SCAPER: variants seen among roughly 807,000 people sequenced by gnomAD.
SCAPER encodes the protein S-phase cyclin A associated protein in the ER.
Under a neutral mutation model 182.2 loss-of-function variants are expected in SCAPER, and 98 were observed. The ratio of observed to expected loss-of-function variants is 0.54; its 90% CI spans 0.46 to 0.64. SCAPER has a LOEUF of 0.64. Among genes scored for constraint, SCAPER ranks in the 30% least tolerant of loss-of-function variants. The probability of loss-of-function intolerance (pLI) is 0.00; values close to 1 mark genes in which losing one functional copy is unlikely to be tolerated. For missense variants in SCAPER, 1,432 were observed against 1,690.0 expected (o/e 0.85, Z 2.68); for synonymous variants, 605 against 564.6 (o/e 1.07, Z -1.01).
chr15:76,524,778 GAA>G (rs2043080167), intron 23 of SCAPER, among the ~76,000 whole-genome samples: 1 of 131,276 alleles, frequency 7.6e-6, no homozygotes, highest in African/African-American at 2.8e-5. Context: ...AACAAGAATT[GAA>G]AGTTAATTTT....
intron 29 of SCAPER, among the ~76,000 whole-genome samples, chr15:76,365,598 G>A (rs1260034547): frequency 1.3e-5 from 2 of 152,208 alleles, no homozygotes; most frequent in Non-Finnish European, 1.5e-5. Flanking sequence ...ATAGAACACT[G>A]ACCTTGTAAA....
chr15:76,896,159 C>T (rs1392023051), intron 1 of SCAPER, among the ~76,000 whole-genome samples: 1 of 151,946 alleles, frequency 6.6e-6, no homozygotes, highest in Non-Finnish European at 1.5e-5. Context: ...CACTTCAGCC[C>T]AGGAGTTCGA....
At chr15:76,859,659 C>T (rs2071708685) in intron 3 of SCAPER, among the ~76,000 whole-genome samples, 1 of 152,110 alleles carries the variant, frequency 6.6e-6, no homozygotes, top group African/African-American at 2.4e-5. Flanking sequence ...TAATATTCTT[C>T]TTTTGTCATC....
intron 4 of SCAPER, among the ~76,000 whole-genome samples, chr15:76,847,339 TAATA>T (rs1438726415): frequency 6.6e-6 from 1 of 150,920 alleles, no homozygotes; most frequent in Admixed American, 6.6e-5. Flanking sequence ...ACTTAAAGCA[TAATA>T]AATAAATAGT....
chr15:76,461,162 C>CT (rs1484526178), intron 25 of SCAPER, among the ~76,000 whole-genome samples: 1 of 152,012 alleles, frequency 6.6e-6, no homozygotes, highest in East Asian at 1.9e-4. Context: ...TGGTTATGCA[C>CT]TTTTGGCAAG....
chr15:76,489,259 G>A (rs2052033822), intron 24 of SCAPER, among the ~76,000 whole-genome samples: 1 of 136,590 alleles, frequency 7.3e-6, no homozygotes. Flanking sequence ...AATTACTTTT[G>A]CACCAACCTA....
At chr15:76,602,180 GTTATT>G (rs149411568) in intron 22 of SCAPER, among the ~76,000 whole-genome samples, 7,309 of 120,680 alleles carry the variant, frequency 0.061, 2,299 homozygotes, top group South Asian at 0.11. Flanking sequence ...TAAGAAAAAT[GTTATT>G]TTATCTATGT....
intron 25 of SCAPER, among the ~76,000 whole-genome samples, chr15:76,448,764 T>C (rs1212929145): frequency 6.6e-6 from 1 of 152,128 alleles, no homozygotes; most frequent in Non-Finnish European, 1.5e-5. Context: ...ACTGGTGATC[T>C]TGGTGAAAGA....
rs575663749 is a variant in SCAPER at position 76,739,757 on chromosome 15, T to C, written c.1867-6373A>G. Among the ~76,000 whole-genome samples, 18 of 152,340 alleles carry C rather than the reference T, an allele frequency of 1.2e-4. No individual in the cohort carries two copies. In the South Asian group the frequency reaches 3.1e-3, roughly 26 times the overall value. On this transcript the variant is annotated intron_variant, in intron 15 of 31. Transcript: ENST00000563290. ...TGCAATTAAGGGAGGACTACTGTCTTATTTGATAAAGGTGATTCGTGAGCT... is the reference window on the plus strand; with the variant it reads ...TGCAATTAAGGGAGGACTACTGTCTCATTTGATAAAGGTGATTCGTGAGCT...
intron 27 of SCAPER, among the ~76,000 whole-genome samples, chr15:76,403,930 T>A (rs2044642531): frequency 6.6e-6 from 1 of 151,576 alleles, no homozygotes; most frequent in Admixed American, 6.6e-5. Context: ...TAGGATGGAG[T>A]AGGATGGGGT....
At chr15:76,494,611 G>A (rs189015298) in intron 24 of SCAPER, among the ~76,000 whole-genome samples, 3 of 152,138 alleles carry the variant, frequency 2.0e-5, no homozygotes, top group African/African-American at 4.8e-5. Context: ...TACAGCTGTC[G>A]TCACCCTGCA....
chr15:76,875,339 T>G (rs1326238438), intron 2 of SCAPER, among the ~76,000 whole-genome samples: 1 of 152,190 alleles, frequency 6.6e-6, no homozygotes, highest in Non-Finnish European at 1.5e-5. Flanking sequence ...TATATGTATG[T>G]GTATAAGCAC....
intron 29 of SCAPER, among the ~76,000 whole-genome samples, chr15:76,357,184 A>ACACACACC (rs1485814475): frequency 6.6e-6 from 1 of 151,388 alleles, no homozygotes; most frequent in Non-Finnish European, 1.5e-5. Flanking sequence ...ACACACACAC[A>ACACACACC]CACACCCCTA....
At chr15:76,557,707 G>A (rs1172094080) in intron 23 of SCAPER, among the ~76,000 whole-genome samples, 1 of 152,070 alleles carries the variant, frequency 6.6e-6, no homozygotes, top group African/African-American at 2.4e-5. Flanking sequence ...CCTCTTTTCT[G>A]TATCAGTTAC....
chr15:76,564,843 T>C (rs552720631), intron 23 of SCAPER, among the ~76,000 whole-genome samples: 4 of 151,894 alleles, frequency 2.6e-5, no homozygotes, highest in African/African-American at 4.8e-5. Flanking sequence ...TGGAACAGAA[T>C]AGAGAGCCCA....
intron 27 of SCAPER, among the ~76,000 whole-genome samples, chr15:76,390,237 G>A (rs1036426206): frequency 2.0e-5 from 3 of 152,142 alleles, no homozygotes; most frequent in Non-Finnish European, 4.4e-5. Flanking sequence ...TTGCAGCCGT[G>A]AGCCACTGTG....
chr15:76,823,047 A>G (rs938275844), intron 5 of SCAPER, among the ~76,000 whole-genome samples: 2 of 152,262 alleles, frequency 1.3e-5, no homozygotes, highest in African/African-American at 2.4e-5. Flanking sequence ...AAGCAGCTAT[A>G]AAAATGATCA....
chr15:76,405,910 G>T (rs1404903731), intron 26 of SCAPER, among the ~76,000 whole-genome samples: 1 of 152,180 alleles, frequency 6.6e-6, no homozygotes, highest in Admixed American at 6.5e-5. Context: ...AATAATTCAT[G>T]TCTGGAGCCA....
intron 15 of SCAPER, among the ~76,000 whole-genome samples, chr15:76,733,709 G>A (rs533608181): frequency 2.1e-4 from 32 of 152,062 alleles, no homozygotes; most frequent in Admixed American, 9.8e-4. Flanking sequence ...AGCCAAGATC[G>A]TGCCACTGCA....
Sources: gnomAD v4.1 joint callset for allele counts (sites outside exome capture counted in the v4.1 genomes callset) on GRCh38, gnomAD v4.1.1 for gene constraint, MANE v1.5 for transcripts, NCBI Gene and HGNC (gene_info 2026-07-23, HGNC 2026-07-21) for gene names.